LIPK: variants seen among roughly 807,000 people sequenced by gnomAD.
LIPK encodes lipase member K.
In LIPK, 32 loss-of-function variants were observed where a neutral mutation model predicts 48.6. The observed-to-expected ratio is 0.66, with a 90% CI of 0.50 to 0.88. The LOEUF is 0.88. LIPK is among the 40% of genes least tolerant of loss of function. The pLI, the probability that LIPK is intolerant of heterozygous loss-of-function variation, is 0.00. For synonymous variants in LIPK, 164 were observed against 157.4 expected, an observed-to-expected ratio of 1.04 and a Z score of -0.32; for missense variants, 507 against 478.5, an observed-to-expected ratio of 1.06 and a Z score of -0.56.
intron 8 of LIPK, among the ~76,000 whole-genome samples, chr10:88,740,682 T>C (rs1292747894): frequency 2.6e-5 from 4 of 152,236 alleles, no homozygotes; most frequent in African/African-American, 9.6e-5. Context: ...TTGTTTATTA[T>C]GTAATATTTG....
rs548162594 is a variant in LIPK at position 88,741,171 on chromosome 10, C to T, written c.888+1104C>T. ...ATTTTTTAGTAAAGGCATTGATATC[C>T]CCCCACTCTACAAATGTCATAGCAT... On this transcript the variant is annotated intron_variant, in intron 8 of 9. Transcript: ENST00000404190. 5.9e-5 allele frequency among the ~76,000 whole-genome samples: 9 copies of T among 152,102 alleles called. No individual in the cohort carries two copies. The East Asian group carries it at 1.5e-3, about 26-fold the overall frequency.
chr10:88,710,142 A>G (rs117387514), intron 1 of LIPK, among the ~76,000 whole-genome samples: 1 of 151,964 alleles, frequency 6.6e-6, no homozygotes, highest in Non-Finnish European at 1.5e-5. Flanking sequence ...TTAATATATT[A>G]TAGTTTATTT....
intron 9 of LIPK, among the ~76,000 whole-genome samples, chr10:88,747,169 C>T (rs951630859): frequency 2.6e-5 from 4 of 152,050 alleles, no homozygotes; most frequent in African/African-American, 7.2e-5. Context: ...AATTACAGTC[C>T]AATTTTACCA....
At position 88,752,535 on chromosome 10, in the gene LIPK, A is replaced by T; in HGVS notation, c.979A>T (p.Asn327Tyr). ...HFHQLTPPLY[N>Y]ITKMEVPTAI... ...TATTTAGCTTACACCTCCTTTATACAACATTACTAAGATGGAAGTTCCAAC... is the reference window on the plus strand; with the variant it reads ...TATTTAGCTTACACCTCCTTTATACTACATTACTAAGATGGAAGTTCCAAC... Residue 327 changes from asparagine to tyrosine, a missense_variant, in exon 10 of 10, where the codon AAC (asparagine) becomes TAC (tyrosine). Coordinates refer to ENST00000404190, the MANE Select transcript of LIPK (RefSeq NM_001080518.2). 2 of 1,553,448 alleles carry T rather than the reference A, an allele frequency of 1.3e-6. No individual in the cohort carries two copies. Among genetic ancestry groups the T allele is most frequent in the African/African-American group, 1.4e-5 (1 of 73,858 alleles).
chr10:88,723,555 C>T (rs1842275130), intron 1 of LIPK, among the ~76,000 whole-genome samples: 1 of 152,044 alleles, frequency 6.6e-6, no homozygotes, highest in African/African-American at 2.4e-5. Context: ...TTGCTTTAAA[C>T]TTAAGTAGTT....
intron 9 of LIPK, among the ~76,000 whole-genome samples, chr10:88,747,827 A>G (rs931437353): frequency 6.6e-6 from 1 of 152,222 alleles, no homozygotes; most frequent in African/African-American, 2.4e-5. Flanking sequence ...AATTAATTCA[A>G]CCATTGTGGA....
At chr10:88,739,607 G>A (rs1412034833) in intron 7 of LIPK, among the ~76,000 whole-genome samples, 1 of 152,124 alleles carries the variant, frequency 6.6e-6, no homozygotes, top group Admixed American at 6.5e-5. Context: ...TGTAATCCCA[G>A]CACTTTGGGA....
intron 2 of LIPK, among the ~76,000 whole-genome samples, chr10:88,726,298 T>C (rs1404752416): frequency 6.6e-6 from 1 of 152,236 alleles, no homozygotes; most frequent in African/African-American, 2.4e-5. Flanking sequence ...TATGCCTCTT[T>C]ATGTAACTCC....
chr10:88,749,757 C>A (rs939624247), intron 9 of LIPK, among the ~76,000 whole-genome samples: 14 of 152,130 alleles, frequency 9.2e-5, no homozygotes, highest in African/African-American at 3.1e-4. Context: ...GCAAAAATTT[C>A]ATGATAAAGA....
rs1842607596 is a variant in LIPK, at chr10:88,737,931, G to A, written c.816+150G>A. The A allele has an allele frequency of 1.0e-5, 8 of 791,228 alleles. No individual in the cohort carries two copies. In the South Asian group the frequency reaches 1.4e-4, roughly 14 times the overall value. The allele number at this position is 791,228 out of a possible 1,614,324, so 49.0% of individuals were successfully genotyped here. ...ACATTTATGGCTTCCAATGAGGGTT[G>A]AGAGTCCACTTGCTTTCATAGGAGG... is the stretch of plus-strand genomic sequence containing the variant. On this transcript the variant is annotated intron_variant, in intron 7 of 9. Coordinates refer to ENST00000404190, the MANE Select transcript of LIPK (RefSeq NM_001080518.2).
chr10:88,707,357 T>A (rs2134671275), intron 1 of LIPK, among the ~76,000 whole-genome samples: 1 of 152,254 alleles, frequency 6.6e-6, no homozygotes, highest in South Asian at 2.1e-4. Context: ...TCTCCCTTAC[T>A]TTGTAAGGAC....
intron 2 of LIPK, among the ~76,000 whole-genome samples, chr10:88,725,306 C>T (rs1236693509): frequency 6.6e-6 from 1 of 152,214 alleles, no homozygotes; most frequent in Non-Finnish European, 1.5e-5. Context: ...TACCCTTGAT[C>T]TCCTACCAAA....
At chr10:88,728,630 C>T in intron 3 of LIPK, 1 of 488,274 alleles carries the variant, frequency 2.0e-6, no homozygotes. Context: ...GCATCGAGAG[C>T]GCCACCTACA....
intron 1 of LIPK, among the ~76,000 whole-genome samples, chr10:88,715,601 G>C (rs960556857): frequency 6.6e-6 from 1 of 151,862 alleles, no homozygotes; most frequent in Non-Finnish European, 1.5e-5. Flanking sequence ...GACAATATTT[G>C]CCTTTTTTTA....
chr10:88,717,638 C>T (rs1186563528), intron 1 of LIPK, among the ~76,000 whole-genome samples: 1 of 152,122 alleles, frequency 6.6e-6, no homozygotes, highest in Non-Finnish European at 1.5e-5. Context: ...ACTTTTCCTC[C>T]TCAGCACACA....
intron 7 of LIPK, among the ~76,000 whole-genome samples, chr10:88,739,432 A>G (rs1490398140): frequency 3.9e-5 from 6 of 152,196 alleles, no homozygotes; most frequent in Non-Finnish European, 8.8e-5. Context: ...GCCCCGTGGG[A>G]TGCCCTCTGT....
chr10:88,729,252 T>TGG (rs71022537), intron 3 of LIPK, among the ~76,000 whole-genome samples: 619 of 40,036 alleles, frequency 0.015, 7 homozygotes, highest in East Asian at 0.094. Flanking sequence ...GGCTATCTGT[T>TGG]GGGGGGGGGG....
chr10:88,745,440 G>T (rs1364302541), intron 9 of LIPK, among the ~76,000 whole-genome samples: 1 of 152,080 alleles, frequency 6.6e-6, no homozygotes, highest in Non-Finnish European at 1.5e-5. Flanking sequence ...CCTTTCAGCA[G>T]AAACCCTACA....
chr10:88,735,275 G>A (rs926261574), intron 6 of LIPK, among the ~76,000 whole-genome samples: 1 of 152,052 alleles, frequency 6.6e-6, no homozygotes, highest in Non-Finnish European at 1.5e-5. Context: ...ACATTTATGC[G>A]TTTGTGTTCT....
Sources: gnomAD v4.1 joint callset for allele counts (sites outside exome capture counted in the v4.1 genomes callset) on GRCh38, gnomAD v4.1.1 for gene constraint, MANE v1.5 for transcripts, NCBI Gene and HGNC (gene_info 2026-07-23, HGNC 2026-07-21) for gene names.